Variants in CACNG2 observed in about 807,000 individuals in gnomAD.
CACNG2 encodes calcium voltage-gated channel auxiliary subunit gamma 2.
In CACNG2, 3 loss-of-function variants were observed where a neutral mutation model predicts 25.9. That is an observed-to-expected ratio of 0.12 (90% CI 0.05 to 0.30). CACNG2 has a LOEUF of 0.30. Among genes scored for constraint, CACNG2 ranks in the 10% least tolerant of loss-of-function variants. The pLI is 1.00. For synonymous variants in CACNG2, 167 were observed against 173.3 expected (o/e 0.96, Z 0.29); for missense variants, 341 against 432.5 (o/e 0.79, Z 1.88).
At chr22:36,637,633 C>T (rs1211193457) in intron 1 of CACNG2, among the ~76,000 whole-genome samples, 1 of 152,114 alleles carries the variant, frequency 6.6e-6, no homozygotes, top group Admixed American at 6.6e-5. Flanking sequence ...GGCTGATTCT[C>T]TTATTTTCCA....
chr22:36,651,030 C>T (rs1156697777), intron 1 of CACNG2, among the ~76,000 whole-genome samples: 1 of 152,140 alleles, frequency 6.6e-6, no homozygotes. Flanking sequence ...GCAAACTTCT[C>T]TTCCTAGAAA....
chr22:36,641,613 GA>G (rs1001576617), intron 1 of CACNG2, among the ~76,000 whole-genome samples: 113 of 152,352 alleles, frequency 7.4e-4, no homozygotes, highest in African/African-American at 2.5e-3. Context: ...CACTTGCTAA[GA>G]AATTTTGTCT....
intron 1 of CACNG2, among the ~76,000 whole-genome samples, chr22:36,672,594 G>C (rs1215636954): frequency 1.3e-5 from 2 of 152,180 alleles, no homozygotes; most frequent in Non-Finnish European, 2.9e-5. Context: ...GATTCCCCCA[G>C]CTTCTCGGAG....
intron 1 of CACNG2, among the ~76,000 whole-genome samples, chr22:36,597,458 T>C (rs889093341): frequency 6.6e-6 from 1 of 152,212 alleles, no homozygotes; most frequent in African/African-American, 2.4e-5. Flanking sequence ...TGTGCCTCAG[T>C]TTCCTTTGCT....
chr22:36,670,031 A>T (rs1015065716), intron 1 of CACNG2, among the ~76,000 whole-genome samples: 8 of 152,180 alleles, frequency 5.3e-5, no homozygotes, highest in African/African-American at 1.9e-4. Flanking sequence ...TATTTAGATT[A>T]TGAATGATTT....
intron 1 of CACNG2, among the ~76,000 whole-genome samples, chr22:36,688,136 A>G (rs185077028): frequency 3.3e-5 from 5 of 152,258 alleles, no homozygotes; most frequent in Admixed American, 6.5e-5. Flanking sequence ...TGACAGACAC[A>G]TGGTCCTCAG....
rs373641357 is a variant in CACNG2, at chr22:36,679,205, T to C, written c.211+23161A>G. ...TCCTTCCTTCCTTCCTTCCTTTCTT[T>C]CTTTCTTTCTTTCTTTCTTTCTTTC... On this transcript the variant is annotated intron_variant, in intron 1 of 3. Coordinates refer to ENST00000300105, the MANE Select transcript of CACNG2 (RefSeq NM_006078.5). Among the ~76,000 whole-genome samples the C allele has an allele frequency of 8.1e-4, 105 of 129,306 alleles. 1 individual carries two copies. Among genetic ancestry groups the C allele is most frequent in the African/African-American group, 2.3e-3 (67 of 28,948 alleles). The allele number at this position is 129,306 out of a possible 152,430, so 84.8% of individuals were successfully genotyped here. A position where few individuals can be genotyped will look rare whatever the true frequency, so the allele number is the denominator to read the frequency against.
chr22:36,697,938 T>C (rs1023092092), intron 1 of CACNG2, among the ~76,000 whole-genome samples: 1 of 152,210 alleles, frequency 6.6e-6, no homozygotes, highest in Non-Finnish European at 1.5e-5. Context: ...AGAGGCTGTG[T>C]GCATGGATCA....
intron 1 of CACNG2, among the ~76,000 whole-genome samples, chr22:36,671,564 A>G (rs1340356382): frequency 6.6e-6 from 1 of 152,216 alleles, no homozygotes; most frequent in Non-Finnish European, 1.5e-5. Context: ...TCTTAAGGCA[A>G]ATCTGGGCGT....
In CACNG2 at chr22:36,661,966, CTTT is replaced by C. The variant is rs71193254; in HGVS notation, c.211+40397_211+40399del. Among the ~76,000 whole-genome samples the C allele has an allele frequency of 9.2e-3, 409 of 44,298 alleles. 1 individual carries two copies. The highest frequency in any genetic ancestry group is 0.014 in the Non-Finnish European group (208 of 15,160). 29.1% of individuals were successfully genotyped at this position (44,298 alleles called of 152,430 possible). On this transcript the variant is annotated intron_variant, in intron 1 of 3. Transcript: ENST00000300105. ...TGCTTCCTATGGACTCATTGCTATT[CTTT>C]TTTTTTTTTTTTTTTTTTTTTTTTT...
At chr22:36,651,636 A>ATTGT (rs921074290) in intron 1 of CACNG2, among the ~76,000 whole-genome samples, 6 of 152,104 alleles carry the variant, frequency 3.9e-5, no homozygotes, top group African/African-American at 1.2e-4. Context: ...CTTTTTTGTT[A>ATTGT]TTGTGTCTCT....
intron 2 of CACNG2, among the ~76,000 whole-genome samples, chr22:36,568,718 G>T (rs906247803): frequency 1.3e-5 from 2 of 152,172 alleles, no homozygotes; most frequent in Admixed American, 1.3e-4. Flanking sequence ...TTGCTGAGAT[G>T]TGTGTGATGT....
At chr22:36,701,496 AG>A (rs893074630) in intron 1 of CACNG2, among the ~76,000 whole-genome samples, 1 of 152,044 alleles carries the variant, frequency 6.6e-6, no homozygotes, top group African/African-American at 2.4e-5. Context: ...ATCAAGGCAA[AG>A]AGCTGACACC....
intron 1 of CACNG2, among the ~76,000 whole-genome samples, chr22:36,591,993 C>T (rs1569023038): frequency 6.6e-6 from 1 of 151,880 alleles, no homozygotes; most frequent in East Asian, 1.9e-4. Flanking sequence ...GACAGTGGAC[C>T]AGGCTGTGAA....
chr22:36,625,129 C>T (rs1936166521), intron 1 of CACNG2, among the ~76,000 whole-genome samples: 1 of 151,714 alleles, frequency 6.6e-6, no homozygotes. Context: ...AATAAGGCAT[C>T]TCTGAGGCTC....
intron 1 of CACNG2, among the ~76,000 whole-genome samples, chr22:36,628,097 G>A (rs1936211808): frequency 6.6e-6 from 1 of 152,106 alleles, no homozygotes; most frequent in African/African-American, 2.4e-5. Flanking sequence ...ATTTCTAGGC[G>A]AGAACGTTAT....
intron 1 of CACNG2, among the ~76,000 whole-genome samples, chr22:36,629,828 CAG>C (rs1274381835): frequency 6.6e-6 from 1 of 152,096 alleles, no homozygotes. Context: ...TCTAGGGGAA[CAG>C]AGAGTGAGCA....
chr22:36,574,279 G>T (rs576304024), intron 2 of CACNG2, among the ~76,000 whole-genome samples: 1 of 152,316 alleles, frequency 6.6e-6, no homozygotes, highest in East Asian at 1.9e-4. Context: ...GAGTGATGCC[G>T]GTGCTTGGGC....
intron 1 of CACNG2, among the ~76,000 whole-genome samples, chr22:36,667,256 A>T (rs1239193911): frequency 3.3e-5 from 5 of 152,100 alleles, no homozygotes; most frequent in Admixed American, 6.5e-5. Flanking sequence ...TCCAGCTGGG[A>T]TCCACTTTTA....
Sources: gnomAD v4.1 joint callset for allele counts (sites outside exome capture counted in the v4.1 genomes callset) on GRCh38, gnomAD v4.1.1 for gene constraint, MANE v1.5 for transcripts, NCBI Gene and HGNC (gene_info 2026-07-23, HGNC 2026-07-21) for gene names.